KATNA1: variants seen among roughly 807,000 people sequenced by gnomAD.
The protein encoded by KATNA1 is katanin p60 ATPase-containing subunit A1.
A neutral mutation model predicts 62.6 loss-of-function variants in KATNA1; 42 were observed. The ratio of observed to expected loss-of-function variants is 0.67; its 90% CI spans 0.52 to 0.87. The LOEUF (loss-of-function observed/expected upper bound fraction) is 0.87, where lower values mean the gene tolerates loss of function less well. Among genes scored for constraint, KATNA1 ranks in the 40% least tolerant of loss-of-function variants. The pLI, the probability that KATNA1 is intolerant of heterozygous loss-of-function variation, is 0.00. For missense variants in KATNA1, 498 were observed against 612.5 expected, an observed-to-expected ratio of 0.81 and a Z score of 1.97; for synonymous variants, 186 against 201.9, an observed-to-expected ratio of 0.92 and a Z score of 0.67.
At chr6:149,597,243 C>T in intron 9 of KATNA1, 54 bp from the exon 10 acceptor site, 1 of 1,557,032 alleles carries the variant, frequency 6.4e-7, no homozygotes, top group Non-Finnish European at 8.7e-7. Flanking sequence ...ACATAGTATA[C>T]TATTGTCTCA....
At chr6:149,607,892 C>T (rs1194487296) in intron 4 of KATNA1, among the ~76,000 whole-genome samples, 1 of 151,974 alleles carries the variant, frequency 6.6e-6, no homozygotes, top group African/African-American at 2.4e-5. Context: ...ATGATGAAAC[C>T]CCGTCTCTAC....
intron 4 of KATNA1, 106 bp from the exon 5 acceptor site, chr6:149,604,888 C>A: frequency 9.0e-7 from 1 of 1,116,350 alleles, no homozygotes; most frequent in South Asian, 1.4e-5. Context: ...GCTAATACAT[C>A]ATTTGGCCAG....
At chr6:149,630,273 C>CAA in intron 3 of KATNA1, among the ~76,000 whole-genome samples, 1 of 152,278 alleles carries the variant, frequency 6.6e-6, no homozygotes, top group African/African-American at 2.4e-5. Context: ...AGTAAATATC[C>CAA]AAAGGATATC....
chr6:149,627,305 G>C (rs1343262468), intron 3 of KATNA1, among the ~76,000 whole-genome samples: 1 of 151,750 alleles, frequency 6.6e-6, no homozygotes, highest in Non-Finnish European at 1.5e-5. Context: ...AAGGCAGGTG[G>C]ATCACTTGAG....
intron 10 of KATNA1, 119 bp downstream of exon 10, chr6:149,596,944 G>A: frequency 1.1e-6 from 1 of 932,978 alleles, no homozygotes; most frequent in East Asian, 2.5e-5. Flanking sequence ...AGCTGTGACT[G>A]CGCCTCTACT....
chr6:149,621,483 C>A (rs1288080405), intron 4 of KATNA1, among the ~76,000 whole-genome samples: 1 of 151,326 alleles, frequency 6.6e-6, no homozygotes, highest in Non-Finnish European at 1.5e-5. Flanking sequence ...GGTATGCCTG[C>A]CAAAAATGAA....
intron 7 of KATNA1, among the ~76,000 whole-genome samples, chr6:149,599,510 T>C (rs1778452990): frequency 6.6e-6 from 1 of 152,062 alleles, no homozygotes; most frequent in African/African-American, 2.4e-5. Flanking sequence ...ACAGCACACT[T>C]CTGGTAAGAG....
chr6:149,613,214 A>AAAAAAAAAAAAAAAAAAAAAAC (rs1779032866), intron 4 of KATNA1, among the ~76,000 whole-genome samples: 1 of 141,650 alleles, frequency 7.1e-6, no homozygotes, highest in African/African-American at 2.7e-5. Context: ...AAAAAAAAAA[A>AAAAAAAAAAAAAAAAAAAAAAC]AAAGAACATC....
At chr6:149,607,474 C>T (rs1778786500) in intron 4 of KATNA1, among the ~76,000 whole-genome samples, 1 of 151,910 alleles carries the variant, frequency 6.6e-6, no homozygotes, top group Non-Finnish European at 1.5e-5. Context: ...ATTAGCTGGG[C>T]ATAGTGGTAC....
intron 4 of KATNA1, among the ~76,000 whole-genome samples, chr6:149,614,994 G>T (rs1779107458): frequency 6.6e-6 from 1 of 151,802 alleles, no homozygotes; most frequent in Non-Finnish European, 1.5e-5. Flanking sequence ...TTAGCCAGGT[G>T]TGGTGACACA....
intron 4 of KATNA1, among the ~76,000 whole-genome samples, chr6:149,614,024 G>A (rs1461937753): frequency 6.6e-6 from 1 of 152,072 alleles, no homozygotes; most frequent in African/African-American, 2.4e-5. Flanking sequence ...CCCTGATCTT[G>A]GACTTCCTAA....
intron 4 of KATNA1, among the ~76,000 whole-genome samples, chr6:149,614,280 C>T (rs1395121800): frequency 3.9e-5 from 6 of 152,182 alleles, no homozygotes; most frequent in Admixed American, 2.0e-4. Flanking sequence ...ACCTTGCAGT[C>T]ACAGGGGCAG....
intron 5 of KATNA1, among the ~76,000 whole-genome samples, chr6:149,604,093 A>C (rs1562281979): frequency 6.6e-6 from 1 of 152,220 alleles, no homozygotes; most frequent in Non-Finnish European, 1.5e-5. Context: ...TGTAATATTA[A>C]TCAAGTTGAG....
At chr6:149,611,290 T>C (rs1778942980) in intron 4 of KATNA1, among the ~76,000 whole-genome samples, 1 of 151,576 alleles carries the variant, frequency 6.6e-6, no homozygotes, top group Non-Finnish European at 1.5e-5. Context: ...AGCGAAACCC[T>C]GTCTCTACTA....
intron 1 of KATNA1, among the ~76,000 whole-genome samples, chr6:149,647,744 G>A (rs1780545378): frequency 6.6e-6 from 1 of 152,094 alleles, no homozygotes; most frequent in South Asian, 2.1e-4. Flanking sequence ...TTTCAAAGAG[G>A]AAGACGTAAA....
intron 7 of KATNA1, among the ~76,000 whole-genome samples, chr6:149,600,747 G>GCAA (rs917703653): frequency 7.0e-6 from 1 of 142,614 alleles, no homozygotes; most frequent in Non-Finnish European, 1.5e-5. Flanking sequence ...ATCAGCCTGG[G>GCAA]CAACACAGCA....
At chr6:149,616,202 CCG>C (rs1779161867) in intron 4 of KATNA1, among the ~76,000 whole-genome samples, 1 of 152,140 alleles carries the variant, frequency 6.6e-6, no homozygotes, top group Non-Finnish European at 1.5e-5. Flanking sequence ...CACTTAAAAA[CCG>C]TTAAAATGGT....
chr6:149,599,209 A>G (rs1174685536), intron 7 of KATNA1, among the ~76,000 whole-genome samples: 1 of 152,196 alleles, frequency 6.6e-6, no homozygotes, highest in Non-Finnish European at 1.5e-5. Flanking sequence ...CTTTATGTAT[A>G]AATATTTTTG....
intron 4 of KATNA1, among the ~76,000 whole-genome samples, chr6:149,611,518 CA>C (rs1039234483): frequency 4.1e-5 from 6 of 145,202 alleles, no homozygotes; most frequent in African/African-American, 1.3e-4. Context: ...TTGATAAGAG[CA>C]AAAAGCAATA....
Sources: gnomAD v4.1 joint callset for allele counts (sites outside exome capture counted in the v4.1 genomes callset) on GRCh38, gnomAD v4.1.1 for gene constraint, MANE v1.5 for transcripts, NCBI Gene and HGNC (gene_info 2026-07-23, HGNC 2026-07-21) for gene names.